Variants in ITSN2 observed in about 807,000 individuals in gnomAD.
ITSN2 encodes the protein intersectin-2.
In ITSN2, 156 loss-of-function variants were observed where a neutral mutation model predicts 243.7. The observed-to-expected ratio is 0.64, with a 90% CI of 0.56 to 0.73. ITSN2 has a LOEUF of 0.73. ITSN2 is among the 30% of genes least tolerant of loss of function. The pLI is 0.00. For missense variants in ITSN2, 1,801 were observed against 1,996.1 expected (o/e 0.90, Z 1.86); for synonymous variants, 703 against 699.9 (o/e 1.00, Z -0.07).
At chr2:24,341,753 G>A (rs1473343380) in intron 1 of ITSN2, among the ~76,000 whole-genome samples, 1 of 152,060 alleles carries the variant, frequency 6.6e-6, no homozygotes, top group Non-Finnish European at 1.5e-5. Flanking sequence ...GTGAGTGCCT[G>A]TGAGGCGGGA....
At chr2:24,327,509 G>A (rs1685287735) in intron 2 of ITSN2, among the ~76,000 whole-genome samples, 1 of 151,962 alleles carries the variant, frequency 6.6e-6, no homozygotes, top group Admixed American at 6.6e-5. Context: ...ATGTTGACCA[G>A]GCTGGTCTCG....
At chr2:24,327,965 A>C in intron 2 of ITSN2, 87 bp downstream of exon 2, 1 of 1,276,478 alleles carries the variant, frequency 7.8e-7, no homozygotes, top group Non-Finnish European at 1.1e-6. Flanking sequence ...ACACTTAAGG[A>C]AAATTATCTA....
At chr2:24,304,460 T>C (rs1459471980) in intron 8 of ITSN2, among the ~76,000 whole-genome samples, 1 of 152,256 alleles carries the variant, frequency 6.6e-6, no homozygotes, top group Admixed American at 6.5e-5. Context: ...TAAATGTTTA[T>C]ATTTTATAAC....
At chr2:24,304,262 T>C (rs1249898053) in intron 8 of ITSN2, among the ~76,000 whole-genome samples, 1 of 152,168 alleles carries the variant, frequency 6.6e-6, no homozygotes, top group African/African-American at 2.4e-5. Context: ...CAGGCGCTAC[T>C]CTGGGTTCAG....
Position 24,303,843 on chromosome 2 carries a change from G to C in ITSN2, c.813C>G (p.Ala271=), listed in dbSNP as rs1358391681. The C allele has an allele frequency of 6.2e-7, 1 of 1,609,586 alleles. No individual in the cohort carries two copies. Among genetic ancestry groups the C allele is most frequent in the Non-Finnish European group, 8.5e-7 (1 of 1,176,050 alleles). ...TTTGAGAAAGATTTGACTGAAGAAG[G>C]GCATTTCTAGCTTGAAAACCTGATT... ...GYLSGFQARN[A]LLQSNLSQTQ... is the part of the protein sequence containing the mutation. The change falls in exon 9 of 40, where the codon GCC becomes GCG. Residue 271 remains alanine (A), a synonymous_variant. Transcript: ENST00000355123.
At position 24,208,277 on chromosome 2, in the gene ITSN2, G is replaced by A. The variant is rs1264219244; in HGVS notation, c.4638C>T (p.Tyr1546=). 6.2e-7 allele frequency: 1 copy of A among 1,611,196 alleles called. No homozygotes were observed. Among genetic ancestry groups the A allele is most frequent in the Non-Finnish European group, 8.5e-7 (1 of 1,179,518 alleles). Residue 1546 remains tyrosine, a synonymous_variant, in exon 37 of 40, where the codon TAC becomes TAT. Transcript: ENST00000355123. ...VQKIKAASEQ[Y]IDTEKKKREK... ...CACGCTTCTTCTTCTCGGTGTCGAT[G>A]TACTGCTCAGACGCCGCCTTGATCT...
At chr2:24,304,151 C>T (rs968378002) in intron 8 of ITSN2, among the ~76,000 whole-genome samples, 6 of 152,198 alleles carry the variant, frequency 3.9e-5, no homozygotes, top group Admixed American at 6.5e-5. Flanking sequence ...AGATATCAGG[C>T]ACACAGAGTA....
intron 2 of ITSN2, among the ~76,000 whole-genome samples, chr2:24,316,880 T>G (rs572280240): frequency 6.6e-6 from 1 of 152,304 alleles, no homozygotes; most frequent in East Asian, 1.9e-4. Context: ...CAAAAGGAAG[T>G]AGCCTTCACC....
intron 2 of ITSN2, among the ~76,000 whole-genome samples, chr2:24,323,284 T>C (rs558163935): frequency 6.6e-6 from 1 of 152,218 alleles, no homozygotes; most frequent in Non-Finnish European, 1.5e-5. Context: ...CTGATGGTTA[T>C]AGCAGATTTA....
chr2:24,257,271 G>T (rs576571188), intron 23 of ITSN2, among the ~76,000 whole-genome samples: 1 of 152,148 alleles, frequency 6.6e-6, no homozygotes, highest in Non-Finnish European at 1.5e-5. Flanking sequence ...AGTGAGCCAT[G>T]ATCCACCACT....
chr2:24,270,624 C>A, intron 20 of ITSN2, 47 bp downstream of exon 20: 1 of 845,884 alleles, frequency 1.2e-6, no homozygotes, highest in Non-Finnish European at 2.0e-6. Context: ...TAATATATTA[C>A]AATGTATTTA....
At chr2:24,241,572 C>T (rs1253855096) in intron 29 of ITSN2, 1 of 152,584 alleles carries the variant, frequency 6.6e-6, no homozygotes, top group Non-Finnish European at 1.5e-5. Context: ...TTATTCCCAT[C>T]CCAAATACAC....
rs1201313479 is a variant in ITSN2, at chr2:24,315,155, T to C, written c.101A>G (p.Lys34Arg). The change falls in exon 3 of 40, where the codon AAA (lysine) becomes AGA (arginine). Residue 34 changes from lysine (K) to arginine (R), a missense_variant. Lys to Arg is a conservative substitution (Grantham distance 26, BLOSUM62 2). This residue lies in a region of ITSN2 where 77 missense variants were observed against 90.1 expected (regional missense o/e 0.85). Transcript: ENST00000355123. ...ACCTGTTATGTAACCTCCTGAAGGT[T>C]TGAGGTTATCAAACTGCCTGTCATG... is the stretch of plus-strand genomic sequence containing the variant. ...TKHDRQFDNLKPSGGYITGDQ... is the reference protein window; with the variant it reads ...TKHDRQFDNLRPSGGYITGDQ... 7.5e-6 allele frequency: 12 copies of C among 1,607,774 alleles called. No homozygotes were observed. Among genetic ancestry groups the C allele is most frequent in the African/African-American group, 2.7e-5 (2 of 74,790 alleles).
At chr2:24,337,341 T>TATATATATATATATAC (rs1686549540) in intron 1 of ITSN2, among the ~76,000 whole-genome samples, 5 of 117,252 alleles carry the variant, frequency 4.3e-5, no homozygotes, top group Non-Finnish European at 7.1e-5. Flanking sequence ...TATATATATA[T>TATATATATATATATAC]ATATATATAT....
intron 15 of ITSN2, among the ~76,000 whole-genome samples, chr2:24,290,911 C>T (rs1434578242): frequency 6.9e-6 from 1 of 144,894 alleles, no homozygotes; most frequent in African/African-American, 2.5e-5. Context: ...TCTCCTCCCC[C>T]CTACCAAAGT....
At chr2:24,327,305 TC>T (rs1457249326) in intron 2 of ITSN2, among the ~76,000 whole-genome samples, 3 of 151,932 alleles carry the variant, frequency 2.0e-5, no homozygotes, top group Non-Finnish European at 4.4e-5. Context: ...TTTTTCTTTT[TC>T]TTTTTTTTTT....
At chr2:24,332,685 C>T (rs549676756) in intron 1 of ITSN2, among the ~76,000 whole-genome samples, 32 of 152,282 alleles carry the variant, frequency 2.1e-4, no homozygotes, top group Middle Eastern at 6.8e-3. Context: ...CATTTCTATT[C>T]TCTCTGCCCC....
intron 24 of ITSN2, among the ~76,000 whole-genome samples, chr2:24,253,574 T>C (rs181372964): frequency 8.2e-4 from 125 of 152,356 alleles, no homozygotes; most frequent in Non-Finnish European, 1.4e-3. Context: ...CTGCCATCTC[T>C]GTGGATTCAT....
chr2:24,261,932 T>G (rs1318879877), intron 20 of ITSN2, among the ~76,000 whole-genome samples, 190 bp from the exon 21 acceptor site: 2 of 151,178 alleles, frequency 1.3e-5, no homozygotes, highest in African/African-American at 4.9e-5. Context: ...AATTTTAATT[T>G]TATCCAAGTT....
Sources: gnomAD v4.1 joint callset for allele counts (sites outside exome capture counted in the v4.1 genomes callset) on GRCh38, gnomAD v4.1.1 for gene constraint, gnomAD v4.1.1 regional missense constraint, MANE v1.5 for transcripts, NCBI Gene and HGNC (gene_info 2026-07-23, HGNC 2026-07-21) for gene names.